RNF2: variants seen among roughly 807,000 people sequenced by gnomAD.
The protein encoded by RNF2 is E3 ubiquitin-protein ligase RING2.
RNF2 carries 6 observed loss-of-function variants against 37.2 expected under a neutral mutation model. The observed-to-expected ratio is 0.16, with a 90% CI of 0.09 to 0.32. RNF2 has a LOEUF of 0.32. Ranked by LOEUF, RNF2 falls within the 10% of genes least tolerant of loss-of-function variation. RNF2 has a pLI of 1.00. For synonymous variants in RNF2, 133 were observed against 132.7 expected, an observed-to-expected ratio of 1.00 and a Z score of -0.02; for missense variants, 251 against 404.0, an observed-to-expected ratio of 0.62 and a Z score of 3.25.
chr1:185,062,548 A>G (rs956009015), intron 1 of RNF2, among the ~76,000 whole-genome samples: 2 of 152,192 alleles, frequency 1.3e-5, no homozygotes, highest in Admixed American at 1.3e-4. Context: ...ATGTAAAAAA[A>G]AATTGCAAGA....
intron 1 of RNF2, among the ~76,000 whole-genome samples, chr1:185,067,747 G>C (rs974311122): frequency 9.0e-6 from 1 of 111,530 alleles, no homozygotes; most frequent in South Asian, 2.8e-4. Flanking sequence ...GTCTTGCTCT[G>C]TTGCCCAGGC....
At chr1:185,059,036 CT>C (rs1292377436) in intron 1 of RNF2, among the ~76,000 whole-genome samples, 1 of 152,118 alleles carries the variant, frequency 6.6e-6, no homozygotes, top group Non-Finnish European at 1.5e-5. Context: ...CTTCCTCTTC[CT>C]GGTCCCTGGC....
chr1:185,052,284 G>T (rs1007739222), intron 1 of RNF2, among the ~76,000 whole-genome samples: 10 of 152,214 alleles, frequency 6.6e-5, no homozygotes, highest in African/African-American at 2.4e-4. Flanking sequence ...TCCTGGCACC[G>T]CTATTCATGA....
intron 4 of RNF2, among the ~76,000 whole-genome samples, chr1:185,096,793 C>T (rs1000284586): frequency 6.7e-6 from 1 of 148,248 alleles, no homozygotes; most frequent in Non-Finnish European, 1.5e-5. Context: ...ACTAGTCATA[C>T]TCTCTTGGTT....
Position 185,101,650 on chromosome 1 carries a change from G to GT in RNF2, c.*1350dup, listed in dbSNP as rs1307073267. 1 of 152,190 alleles carries GT rather than the reference G, an allele frequency of 6.6e-6. No homozygotes were observed. The highest frequency in any genetic ancestry group is 1.5e-5 in the Non-Finnish European group (1 of 67,958). 9.4% of individuals were successfully genotyped at this position (152,190 alleles called of 1,614,324 possible). On this transcript the variant is annotated 3_prime_UTR_variant, in exon 7 of 7. Transcript: ENST00000367510. ...TTAACCCTAAAGGGTTTTCAATAGGGTGTAGACCTCCAGTACCTTTGTAAC... is the reference window on the plus strand; with the variant it reads ...TTAACCCTAAAGGGTTTTCAATAGGGTTGTAGACCTCCAGTACCTTTGTAAC...
At chr1:185,067,794 T>C (rs1650842415) in intron 1 of RNF2, among the ~76,000 whole-genome samples, 1 of 143,486 alleles carries the variant, frequency 7.0e-6, no homozygotes, top group African/African-American at 2.6e-5. Flanking sequence ...CTCGGCAACC[T>C]CTGCCTCCCG....
intron 1 of RNF2, among the ~76,000 whole-genome samples, chr1:185,079,942 AG>A (rs201627494): frequency 9.9e-5 from 15 of 151,846 alleles, no homozygotes; most frequent in African/African-American, 2.4e-4. Context: ...AAAAAAAAAA[AG>A]CCAATTGTGT....
intron 1 of RNF2, among the ~76,000 whole-genome samples, chr1:185,078,632 T>G (rs1651246859): frequency 6.6e-6 from 1 of 152,152 alleles, no homozygotes; most frequent in African/African-American, 2.4e-5. Flanking sequence ...ACTCCTCCAC[T>G]CATTCCAGCT....
At chr1:185,063,504 G>GACTA (rs1219330733) in intron 1 of RNF2, among the ~76,000 whole-genome samples, 43 of 152,280 alleles carry the variant, frequency 2.8e-4, no homozygotes, top group Non-Finnish European at 5.9e-4. Flanking sequence ...ATAAACCGAA[G>GACTA]TTCGCATTTT....
chr1:185,067,338 T>C lies in RNF2; in HGVS notation c.-2-20214T>C, dbSNP rs190182989. Among the ~76,000 whole-genome samples, 9 of 152,390 alleles carry C rather than the reference T, an allele frequency of 5.9e-5. No homozygotes were observed. The East Asian group carries it at 1.3e-3, about 23-fold the overall frequency. ...GGTGTTACCGCAGGCAGTGTTATGA[T>C]GGCAGTTGGATTGCTTACTCACAAT... On this transcript the variant is annotated intron_variant, in intron 1 of 6. Coordinates refer to ENST00000367510, the MANE Select transcript of RNF2 (RefSeq NM_007212.4).
At chr1:185,097,838 A>G (rs971226990) in intron 4 of RNF2, among the ~76,000 whole-genome samples, 2 of 152,372 alleles carry the variant, frequency 1.3e-5, no homozygotes, top group African/African-American at 4.8e-5. Flanking sequence ...CCTGGCCAGT[A>G]AAATTATTAA....
At chr1:185,070,787 C>A (rs141121261) in intron 1 of RNF2, among the ~76,000 whole-genome samples, 27 of 151,988 alleles carry the variant, frequency 1.8e-4, no homozygotes, top group Non-Finnish European at 3.8e-4. Context: ...TGCAGGTGCC[C>A]GCCACCTCGC....
chr1:185,057,502 G>A (rs1254110456), intron 1 of RNF2, among the ~76,000 whole-genome samples: 1 of 151,870 alleles, frequency 6.6e-6, no homozygotes, highest in Non-Finnish European at 1.5e-5. Flanking sequence ...TTCATGTGGC[G>A]GTGGGATGGA....
intron 1 of RNF2, among the ~76,000 whole-genome samples, chr1:185,083,109 G>T (rs1651478656): frequency 6.6e-6 from 1 of 151,986 alleles, no homozygotes; most frequent in South Asian, 2.1e-4. Flanking sequence ...TTTTTCCCCT[G>T]CTTCTTTGTT....
chr1:185,071,686 T>G (rs1650980128), intron 1 of RNF2: 1 of 169,878 alleles, frequency 5.9e-6, no homozygotes, highest in African/African-American at 2.4e-5. Flanking sequence ...AGATTTCACC[T>G]GCTCATTCAG....
Position 185,100,052 on chromosome 1 carries a change from A to C in RNF2, c.909+90A>C, listed in dbSNP as rs1571330924. The C allele has an allele frequency of 1.6e-5, 21 of 1,344,572 alleles. No homozygotes were observed. The East Asian group carries it at 4.9e-4, about 31-fold the overall frequency. The allele number at this position is 1,344,572 out of a possible 1,614,324, so 83.3% of individuals were successfully genotyped here. A position where few individuals can be genotyped will look rare whatever the true frequency, so the allele number is the denominator to read the frequency against. On this transcript the variant is annotated intron_variant, in intron 6 of 6. Transcript: ENST00000367510. ...GTGGTGGGGTAGAATCTAATAAATA[A>C]TGTAAAAAACCGTAACAGTGTTAAG...
At chr1:185,082,268 C>T (rs1005538581) in intron 1 of RNF2, among the ~76,000 whole-genome samples, 7 of 151,334 alleles carry the variant, frequency 4.6e-5, no homozygotes. Flanking sequence ...TATGATTGTC[C>T]TCAGTTGGTC....
At chr1:185,059,413 C>G (rs958281611) in intron 1 of RNF2, among the ~76,000 whole-genome samples, 1 of 152,118 alleles carries the variant, frequency 6.6e-6, no homozygotes, top group African/African-American at 2.4e-5. Context: ...AGTTGAAATA[C>G]TGAGGGAAAA....
At chr1:185,070,346 G>A (rs1650929668) in intron 1 of RNF2, among the ~76,000 whole-genome samples, 2 of 152,312 alleles carry the variant, frequency 1.3e-5, no homozygotes, top group Admixed American at 6.5e-5. Context: ...AGCTGATCCA[G>A]TTCCAAAGAT....
Sources: gnomAD v4.1 joint callset for allele counts (sites outside exome capture counted in the v4.1 genomes callset) on GRCh38, gnomAD v4.1.1 for gene constraint, MANE v1.5 for transcripts, NCBI Gene and HGNC (gene_info 2026-07-23, HGNC 2026-07-21) for gene names.